CNTNAP5: variants seen among roughly 807,000 people sequenced by gnomAD.
The protein encoded by CNTNAP5 is contactin associated protein family member 5, also known as contactin-associated protein-like 5.
CNTNAP5 carries 72 observed loss-of-function variants against 150.2 expected under a neutral mutation model. The ratio of observed to expected loss-of-function variants is 0.48; its 90% CI spans 0.40 to 0.58. The LOEUF (loss-of-function observed/expected upper bound fraction) is 0.58, where lower values mean the gene tolerates loss of function less well. Among genes scored for constraint, CNTNAP5 ranks in the 20% least tolerant of loss-of-function variants. The pLI is 0.00. For synonymous variants in CNTNAP5, 672 were observed against 619.8 expected (o/e 1.08, Z -1.25); for missense variants, 1,636 against 1,626.2 (o/e 1.01, Z -0.10).
chr2:124,734,870 T>A (rs1320618375), intron 13 of CNTNAP5, among the ~76,000 whole-genome samples: 1 of 152,120 alleles, frequency 6.6e-6, no homozygotes, highest in Non-Finnish European at 1.5e-5. Flanking sequence ...GATAGAGGCC[T>A]GAAAATTTTA....
At chr2:124,227,008 C>T (rs1686476153) in intron 2 of CNTNAP5, among the ~76,000 whole-genome samples, 1 of 152,122 alleles carries the variant, frequency 6.6e-6, no homozygotes, top group Non-Finnish European at 1.5e-5. Flanking sequence ...GCTAATCAAT[C>T]ATCTGTTACG....
intron 17 of CNTNAP5, among the ~76,000 whole-genome samples, chr2:124,780,496 G>A (rs565199430): frequency 5.9e-5 from 9 of 152,266 alleles, no homozygotes; most frequent in African/African-American, 2.2e-4. Context: ...CTTATAAAGG[G>A]GAAAGTTTCT....
intron 13 of CNTNAP5, among the ~76,000 whole-genome samples, chr2:124,691,281 A>T (rs1441414998): frequency 2.6e-5 from 4 of 152,144 alleles, no homozygotes; most frequent in Non-Finnish European, 4.4e-5. Context: ...GGTAGGTCAG[A>T]TCATTTCTTT....
intron 8 of CNTNAP5, 122 bp downstream of exon 8, chr2:124,504,678 T>C (rs867150769): frequency 1.1e-6 from 1 of 884,610 alleles, no homozygotes; most frequent in South Asian, 1.9e-5. Flanking sequence ...TATTCACAAA[T>C]GTACTCCAAG....
At chr2:124,518,922 G>C (rs1694791705) in intron 8 of CNTNAP5, among the ~76,000 whole-genome samples, 1 of 150,140 alleles carries the variant, frequency 6.7e-6, no homozygotes, top group Non-Finnish European at 1.5e-5. Flanking sequence ...CCAGGAGGCG[G>C]AGGTTGCAGT....
chr2:124,555,715 A>G (rs1426588108), intron 10 of CNTNAP5, among the ~76,000 whole-genome samples: 2 of 152,224 alleles, frequency 1.3e-5, no homozygotes, highest in Non-Finnish European at 2.9e-5. Context: ...ACACAGGCTC[A>G]GGACACAGAA....
At chr2:124,847,986 A>T (rs976258362) in intron 19 of CNTNAP5, among the ~76,000 whole-genome samples, 9 of 152,180 alleles carry the variant, frequency 5.9e-5, no homozygotes, top group African/African-American at 2.2e-4. Flanking sequence ...ATATCATTGC[A>T]TTTAAAAAAA....
chr2:124,910,955 T>G (rs1251334385), intron 22 of CNTNAP5, among the ~76,000 whole-genome samples: 1 of 151,954 alleles, frequency 6.6e-6, no homozygotes, highest in Non-Finnish European at 1.5e-5. Flanking sequence ...TGCGTACCCT[T>G]AAACTTGATG....
At chr2:124,772,636 T>C (rs140142399) in intron 16 of CNTNAP5, among the ~76,000 whole-genome samples, 163 bp from the exon 17 acceptor site, 1 of 152,168 alleles carries the variant, frequency 6.6e-6, no homozygotes, top group Admixed American at 6.5e-5. Flanking sequence ...ACACATTTAA[T>C]TTGGTAGCTG....
In CNTNAP5 at chr2:124,510,477, GTATATA is replaced by G. The variant is rs70996072; in HGVS notation, c.1327+5958_1327+5963del. On this transcript the variant is annotated intron_variant, in intron 8 of 23. Coordinates refer to ENST00000682447, the MANE Select transcript of CNTNAP5 (RefSeq NM_001367498.1). ...ACAAAAAAGTAAATTTTATGTATGT[GTATATA>G]TATATATATATATATATATATATAT... Among the ~76,000 whole-genome samples the G allele has an allele frequency of 6.3e-3, 645 of 102,540 alleles. 7 individuals carry two copies. The highest frequency in any genetic ancestry group is 6.5e-3 in the Non-Finnish European group (343 of 53,106). The allele number at this position is 102,540 out of a possible 152,430, so 67.3% of individuals were successfully genotyped here.
Position 124,042,672 on chromosome 2 carries a change from G to T in CNTNAP5, c.82+16940G>T, listed in dbSNP as rs192254539. Among the ~76,000 whole-genome samples the T allele has an allele frequency of 7.0e-3, 1,071 of 152,268 alleles. 6 individuals carry two copies. The highest frequency in any genetic ancestry group is 0.011 in the Non-Finnish European group (773 of 68,022). ...AAATTATCTGGTCAGGACATCTTTT[G>T]GCAGGGTGCATGTGCTATAATGCAA... On this transcript the variant is annotated intron_variant, in intron 1 of 23. Coordinates refer to ENST00000682447, the MANE Select transcript of CNTNAP5 (RefSeq NM_001367498.1).
chr2:124,432,131 G>A (rs752556750), intron 4 of CNTNAP5, among the ~76,000 whole-genome samples: 1 of 152,168 alleles, frequency 6.6e-6, no homozygotes, highest in Non-Finnish European at 1.5e-5. Flanking sequence ...CAAAAACAGA[G>A]GGGTGTACCC....
At chr2:124,590,272 A>G (rs1334852665) in intron 11 of CNTNAP5, among the ~76,000 whole-genome samples, 1 of 152,060 alleles carries the variant, frequency 6.6e-6, no homozygotes, top group Non-Finnish European at 1.5e-5. Context: ...CCGCACCTGC[A>G]CTCTCCTATC....
intron 13 of CNTNAP5, among the ~76,000 whole-genome samples, chr2:124,711,054 C>T (rs149986213): frequency 2.0e-5 from 3 of 152,078 alleles, no homozygotes; most frequent in African/African-American, 7.2e-5. Flanking sequence ...GGGTGGATTA[C>T]GAGGTCAGGA....
intron 10 of CNTNAP5, among the ~76,000 whole-genome samples, 157 bp downstream of exon 10, chr2:124,527,613 C>A (rs1695004893): frequency 6.6e-6 from 1 of 152,078 alleles, no homozygotes; most frequent in East Asian, 1.9e-4. Context: ...GGATTTCAGG[C>A]CCAGAGAAAA....
intron 1 of CNTNAP5, among the ~76,000 whole-genome samples, chr2:124,087,447 G>T (rs138414260): frequency 2.0e-5 from 3 of 151,912 alleles, no homozygotes; most frequent in African/African-American, 4.8e-5. Context: ...TTTTTGGCTG[G>T]GCGTAGTTGC....
chr2:124,534,890 A>G (rs1439301379), intron 10 of CNTNAP5, among the ~76,000 whole-genome samples: 1 of 152,084 alleles, frequency 6.6e-6, no homozygotes, highest in African/African-American at 2.4e-5. Context: ...TGTGACTAAG[A>G]ATGCCTAATC....
At chr2:124,123,355 G>A (rs1375771378) in intron 1 of CNTNAP5, among the ~76,000 whole-genome samples, 1 of 152,298 alleles carries the variant, frequency 6.6e-6, no homozygotes, top group East Asian at 1.9e-4. Context: ...GAGGCTGGGG[G>A]AGGGGCGTCC....
chr2:124,588,320 A>G (rs1482325125), intron 11 of CNTNAP5, among the ~76,000 whole-genome samples: 1 of 151,486 alleles, frequency 6.6e-6, no homozygotes, highest in Non-Finnish European at 1.5e-5. Flanking sequence ...ACCTGACACT[A>G]TTATGAAATG....
Sources: gnomAD v4.1 joint callset for allele counts (sites outside exome capture counted in the v4.1 genomes callset) on GRCh38, gnomAD v4.1.1 for gene constraint, MANE v1.5 for transcripts, NCBI Gene and HGNC (gene_info 2026-07-23, HGNC 2026-07-21) for gene names.